TYW1B: variants seen among roughly 807,000 people sequenced by gnomAD.
TYW1B encodes the protein S-adenosyl-L-methionine-dependent tRNA 4-demethylwyosine synthase TYW1B.
A neutral mutation model predicts 86.9 loss-of-function variants in TYW1B; 73 were observed. The ratio of observed to expected loss-of-function variants is 0.84; its 90% CI spans 0.70 to 1.02. The LOEUF is 1.02. Among genes scored for constraint, TYW1B ranks in the 50% least tolerant of loss-of-function variants. TYW1B has a pLI of 0.00. For synonymous variants in TYW1B, 248 were observed against 292.8 expected, an observed-to-expected ratio of 0.85 and a Z score of 1.56; for missense variants, 637 against 827.4, an observed-to-expected ratio of 0.77 and a Z score of 2.82.
intron 1 of TYW1B, 58 bp from the exon 2 acceptor site, chr7:72,827,043 T>C (rs1351910109): frequency 2.0e-6 from 3 of 1,531,204 alleles, no homozygotes; most frequent in Non-Finnish European, 2.6e-6. Flanking sequence ...TACAAAGATA[T>C]CCTTCCCGAT....
At chr7:72,773,493 C>A (rs530933719) in intron 7 of TYW1B, among the ~76,000 whole-genome samples, 1 of 152,166 alleles carries the variant, frequency 6.6e-6, no homozygotes, top group Admixed American at 6.5e-5. Context: ...CAAAGAGAGA[C>A]GACCCAAGCG....
intron 8 of TYW1B, among the ~76,000 whole-genome samples, chr7:72,739,161 A>G (rs1434705232): frequency 1.3e-5 from 2 of 152,200 alleles, no homozygotes; most frequent in Non-Finnish European, 2.9e-5. Flanking sequence ...TGAAGTATGT[A>G]CAGATAAAAC....
At chr7:72,607,018 C>T (rs1811816926) in intron 13 of TYW1B, among the ~76,000 whole-genome samples, 1 of 152,102 alleles carries the variant, frequency 6.6e-6, no homozygotes, top group Non-Finnish European at 1.5e-5. Context: ...AAGATGCCAA[C>T]GTGGTATGTG....
chr7:72,803,374 T>C (rs1232015246), intron 5 of TYW1B, among the ~76,000 whole-genome samples: 1 of 151,868 alleles, frequency 6.6e-6, no homozygotes, highest in Non-Finnish European at 1.5e-5. Flanking sequence ...CAAGCAGAAG[T>C]AGAGGAAATG....
At chr7:72,694,907 G>A in intron 10 of TYW1B, 85 bp from the exon 11 acceptor site, 3 of 1,451,450 alleles carry the variant, frequency 2.1e-6, no homozygotes, top group South Asian at 1.4e-5. Context: ...AATAGACATG[G>A]GTATTAAACA....
At chr7:72,703,446 T>C (rs1814539119) in intron 10 of TYW1B, among the ~76,000 whole-genome samples, 1 of 152,300 alleles carries the variant, frequency 6.6e-6, no homozygotes, top group South Asian at 2.1e-4. Context: ...TTTAATTCCA[T>C]TGTGTTCAGA....
chr7:72,674,758 T>C (rs1185252752), intron 11 of TYW1B, among the ~76,000 whole-genome samples: 5 of 95,152 alleles, frequency 5.3e-5, no homozygotes, highest in African/African-American at 7.7e-5. Flanking sequence ...TCCTTTTCTC[T>C]CTTTTTTTTT....
intron 13 of TYW1B, among the ~76,000 whole-genome samples, chr7:72,612,421 CA>C (rs1811955444): frequency 6.6e-6 from 1 of 152,130 alleles, no homozygotes; most frequent in South Asian, 2.1e-4. Context: ...CACTATTTTA[CA>C]ATCAATAAAA....
At chr7:72,632,447 TAAAA>T (rs1480672630) in intron 11 of TYW1B, among the ~76,000 whole-genome samples, 5 of 91,694 alleles carry the variant, frequency 5.5e-5, no homozygotes, top group African/African-American at 2.2e-4. Context: ...CGTATATATA[TAAAA>T]TATATATATA....
chr7:72,803,658 G>A (rs56775695), intron 5 of TYW1B, among the ~76,000 whole-genome samples: 55,049 of 151,822 alleles, frequency 0.36, 12,317 homozygotes, highest in Non-Finnish European at 0.48. Context: ...CTGTCACCCA[G>A]GCTGGAGTGC....
At chr7:72,711,554 C>T (rs1786669522) in intron 10 of TYW1B, among the ~76,000 whole-genome samples, 1 of 133,452 alleles carries the variant, frequency 7.5e-6, no homozygotes, top group Non-Finnish European at 1.5e-5. Context: ...ACTCCAAGCT[C>T]CGCCTCCCAG....
In TYW1B at chr7:72,786,573, CT is replaced by C. The variant is rs10630508; in HGVS notation, c.847-9041del. Among the ~76,000 whole-genome samples the C allele has an allele frequency of 8.0e-3, 861 of 107,274 alleles. 8 individuals are homozygous for C. The highest frequency in any genetic ancestry group is 0.011 in the Middle Eastern group (2 of 190). The allele number at this position is 107,274 out of a possible 152,430, so 70.4% of individuals were successfully genotyped here. On this transcript the variant is annotated intron_variant, in intron 6 of 13. Coordinates refer to ENST00000620995, the MANE Select transcript of TYW1B (RefSeq NM_001145440.3). ...AAACAAAGTTTTTAAATTCTTTTTT[CT>C]TTTTTTTTTTTTTTTTTTTGAGATA... is the stretch of plus-strand genomic sequence containing the variant.
intron 7 of TYW1B, among the ~76,000 whole-genome samples, chr7:72,753,830 T>C (rs1295443906): frequency 6.6e-6 from 1 of 152,196 alleles, no homozygotes; most frequent in Non-Finnish European, 1.5e-5. Flanking sequence ...TTATGTTTTT[T>C]AAATTACTTT....
intron 11 of TYW1B, among the ~76,000 whole-genome samples, chr7:72,650,698 A>G (rs1298884995): frequency 1.3e-5 from 2 of 152,196 alleles, no homozygotes; most frequent in African/African-American, 4.8e-5. Flanking sequence ...GCTGCCTGTT[A>G]GAGCACACAT....
chr7:72,614,751 G>A (rs1812029197), intron 13 of TYW1B, among the ~76,000 whole-genome samples: 1 of 152,082 alleles, frequency 6.6e-6, no homozygotes, highest in Admixed American at 6.6e-5. Flanking sequence ...ACCAAATTAG[G>A]TGGTTTTATA....
At chr7:72,741,738 G>A (rs782196630) in intron 8 of TYW1B, among the ~76,000 whole-genome samples, 7 of 152,116 alleles carry the variant, frequency 4.6e-5, no homozygotes, top group African/African-American at 9.7e-5. Context: ...TGAAAGAAGC[G>A]AGAGAGAAGG....
At chr7:72,803,773 C>T (rs1554476208) in intron 5 of TYW1B, among the ~76,000 whole-genome samples, 2 of 151,750 alleles carry the variant, frequency 1.3e-5, no homozygotes, top group African/African-American at 4.8e-5. Context: ...ACCATCACAC[C>T]CGGCTAATTT....
intron 7 of TYW1B, among the ~76,000 whole-genome samples, chr7:72,748,050 C>A (rs183186826): frequency 6.6e-6 from 1 of 152,144 alleles, no homozygotes; most frequent in African/African-American, 2.4e-5. Flanking sequence ...GCGGGTGGAT[C>A]ACAAGGTCAG....
chr7:72,785,974 G>A (rs565715098), intron 6 of TYW1B, among the ~76,000 whole-genome samples: 2 of 152,154 alleles, frequency 1.3e-5, no homozygotes, highest in East Asian at 1.9e-4. Flanking sequence ...TTAGCCGGGC[G>A]TGGTGGCGGG....
Sources: gnomAD v4.1 joint callset for allele counts (sites outside exome capture counted in the v4.1 genomes callset) on GRCh38, gnomAD v4.1.1 for gene constraint, MANE v1.5 for transcripts, NCBI Gene and HGNC (gene_info 2026-07-23, HGNC 2026-07-21) for gene names.